Variants in VRK2 observed in about 807,000 individuals in gnomAD.
The protein encoded by VRK2 is VRK serine/threonine kinase 2.
A neutral mutation model predicts 57.6 loss-of-function variants in VRK2; 60 were observed. The ratio of observed to expected loss-of-function variants is 1.04; its 90% confidence interval spans 0.85 to 1.29. The LOEUF (loss-of-function observed/expected upper bound fraction) is 1.29. Ranked by LOEUF, VRK2 falls within the 50% of genes most tolerant of loss-of-function variation. The pLI, the probability that VRK2 is intolerant of heterozygous loss-of-function variation, is 0.00. For missense variants in VRK2, 705 were observed against 588.1 expected (o/e 1.20, Z -2.06); for synonymous variants, 231 against 199.2 (o/e 1.16, Z -1.35).
chr2:58,031,150 A>T (rs1158786022), intron 2 of VRK2, among the ~76,000 whole-genome samples: 1 of 152,058 alleles, frequency 6.6e-6, no homozygotes, highest in Non-Finnish European at 1.5e-5. Flanking sequence ...TTGCAGTGGT[A>T]TGTCACAAAT....
intron 7 of VRK2, among the ~76,000 whole-genome samples, chr2:58,096,205 T>C (rs1427631587): frequency 6.6e-6 from 1 of 152,094 alleles, no homozygotes; most frequent in East Asian, 1.9e-4. Context: ...GATTTCATAT[T>C]GATATTCGTA....
rs146957547 is a variant in VRK2, at chr2:58,131,916, C to T, written c.785C>T (p.Thr262Ile). ...QNLKDPVAVQ[T>I]AKTNLLDELP... ...CTGAAGGACCCTGTGGCTGTGCAGACTGCTAAAACAAAGTACAAATTTTCA... is the reference window on the plus strand; with the variant it reads ...CTGAAGGACCCTGTGGCTGTGCAGATTGCTAAAACAAAGTACAAATTTTCA... Residue 262 changes from threonine (T) to isoleucine (I), a missense_variant, in exon 9 of 13, where the codon ACT becomes ATT. By Grantham distance (89) the Thr-to-Ile change is moderately conservative. Transcript: ENST00000340157. The T allele has an allele frequency of 2.5e-6, 4 of 1,613,966 alleles. No individual in the cohort carries two copies. Among genetic ancestry groups the T allele is most frequent in the Non-Finnish European group, 3.4e-6 (4 of 1,179,986 alleles).
chr2:57,924,283 A>G (rs148079578), intron 1 of VRK2, among the ~76,000 whole-genome samples: 145 of 152,128 alleles, frequency 9.5e-4, no homozygotes, highest in Admixed American at 1.9e-3. Context: ...TTTGATAGGG[A>G]CTGCATTGAA....
intron 1 of VRK2, among the ~76,000 whole-genome samples, chr2:58,023,916 AG>A (rs1484473853): frequency 1.3e-5 from 2 of 152,206 alleles, no homozygotes; most frequent in African/African-American, 4.8e-5. Flanking sequence ...TACTAAAAAA[AG>A]GAAAGAAGTT....
rs1673067740 is a variant in VRK2 at position 58,000,842 on chromosome 2, T to C, written c.-438-24823T>C. Among the ~76,000 whole-genome samples the C allele has an allele frequency of 2.0e-5, 3 of 152,230 alleles. No individual in the cohort carries two copies. In the South Asian group the frequency reaches 6.2e-4, roughly 32 times the overall value. ...CTGCTGTACAACAGAATTCATTAGA[T>C]AGTAATAATACAAATAGAAATTCAG... On this transcript the variant is annotated intron_variant, in intron 1 of 15. Coordinates refer to the VRK2 transcript ENST00000417641.
At chr2:57,924,116 G>T (rs185057305) in intron 1 of VRK2, among the ~76,000 whole-genome samples, 13 of 151,986 alleles carry the variant, frequency 8.6e-5, no homozygotes, top group Non-Finnish European at 1.6e-4. Flanking sequence ...TGCCATTTCG[G>T]TTACTACACC....
chr2:57,927,621 T>C (rs568999303), intron 1 of VRK2, among the ~76,000 whole-genome samples: 1 of 152,346 alleles, frequency 6.6e-6, no homozygotes. Flanking sequence ...TGTGTAACTA[T>C]TGCCACTGAG....
At chr2:58,064,040 C>G (rs550596926) in intron 2 of VRK2, among the ~76,000 whole-genome samples, 1 of 152,014 alleles carries the variant, frequency 6.6e-6, no homozygotes, top group Admixed American at 6.6e-5. Flanking sequence ...CTGAACTGCT[C>G]AATCTCATGA....
At chr2:57,952,860 A>G (rs1671470411) in intron 1 of VRK2, among the ~76,000 whole-genome samples, 1 of 151,954 alleles carries the variant, frequency 6.6e-6, no homozygotes, top group Non-Finnish European at 1.5e-5. Flanking sequence ...AAAGTCTGCC[A>G]TGGATTTGAC....
chr2:57,944,328 T>C (rs746307452), intron 1 of VRK2, among the ~76,000 whole-genome samples: 2 of 152,182 alleles, frequency 1.3e-5, no homozygotes, highest in African/African-American at 2.4e-5. Context: ...GGGTTGTACA[T>C]TGGGAGCCTG....
chr2:58,020,398 T>A (rs1311841375), intron 1 of VRK2, among the ~76,000 whole-genome samples: 4 of 151,926 alleles, frequency 2.6e-5, no homozygotes, highest in Non-Finnish European at 5.9e-5. Flanking sequence ...AGAGACAGAG[T>A]CTCAATATGT....
At chr2:58,066,115 C>T (rs1044803541) in intron 2 of VRK2, among the ~76,000 whole-genome samples, 12 of 152,136 alleles carry the variant, frequency 7.9e-5, no homozygotes, top group African/African-American at 2.2e-4. Flanking sequence ...TAACTTCCTG[C>T]GCTGGCTAGG....
At chr2:58,009,036 T>C (rs1356956572) in intron 1 of VRK2, among the ~76,000 whole-genome samples, 1 of 152,142 alleles carries the variant, frequency 6.6e-6, no homozygotes, top group African/African-American at 2.4e-5. Context: ...GGGCAACTAA[T>C]TCCATTCACA....
intron 7 of VRK2, among the ~76,000 whole-genome samples, chr2:58,121,189 C>T (rs1379525769): frequency 6.6e-6 from 1 of 152,176 alleles, no homozygotes; most frequent in East Asian, 1.9e-4. Context: ...ATGTAAGGCA[C>T]TTAGCATACT....
intron 1 of VRK2, among the ~76,000 whole-genome samples, chr2:58,022,004 T>C (rs1673771663): frequency 6.6e-6 from 1 of 152,262 alleles, no homozygotes; most frequent in Non-Finnish European, 1.5e-5. Context: ...TATACCTTCA[T>C]GCTATCCATA....
intron 2 of VRK2, chr2:58,058,203 TTTTTC>T (rs1193484595): frequency 2.7e-6 from 1 of 367,816 alleles, no homozygotes; most frequent in Non-Finnish European, 5.4e-6. Context: ...GAATTAATTT[TTTTTC>T]AAAACCCTAA....
chr2:58,092,479 A>C (rs1375085091), intron 7 of VRK2, among the ~76,000 whole-genome samples: 1 of 152,204 alleles, frequency 6.6e-6, no homozygotes, highest in Non-Finnish European at 1.5e-5. Context: ...TAAGCTAAGC[A>C]TTCACATACA....
intron 2 of VRK2, among the ~76,000 whole-genome samples, chr2:58,052,687 A>G (rs1015990662): frequency 6.6e-6 from 1 of 151,974 alleles, no homozygotes; most frequent in Non-Finnish European, 1.5e-5. Flanking sequence ...TATTTATTCT[A>G]CTATGAATTT....
intron 2 of VRK2, among the ~76,000 whole-genome samples, chr2:58,071,166 ATTG>A (rs1270973422): frequency 4.0e-5 from 6 of 151,678 alleles, no homozygotes; most frequent in Non-Finnish European, 8.8e-5. Flanking sequence ...TTCATTTTTT[ATTG>A]TTGAGTTTTA....
Sources: allele counts gnomAD v4.1 joint callset (sites outside exome capture counted in the v4.1 genomes callset), GRCh38; gene constraint gnomAD v4.1.1; transcripts MANE v1.5; gene names NCBI Gene and HGNC (gene_info 2026-07-23, HGNC 2026-07-21).